GREM1: variants seen among roughly 807,000 people sequenced by gnomAD.
GREM1 encodes the protein gremlin-1.
A neutral mutation model predicts 13.1 loss-of-function variants in GREM1; 6 were observed. That is an observed-to-expected ratio of 0.46 (90% CI 0.25 to 0.91). The LOEUF (loss-of-function observed/expected upper bound fraction) is 0.91, where lower values mean the gene tolerates loss of function less well. Ranked by LOEUF, GREM1 falls within the 40% of genes least tolerant of loss-of-function variation. The probability of loss-of-function intolerance (pLI) is 0.18; values close to 1 mark genes in which losing one functional copy is unlikely to be tolerated. For synonymous variants in GREM1, 98 were observed against 93.7 expected, an observed-to-expected ratio of 1.05 and a Z score of -0.27; for missense variants, 185 against 233.9, an observed-to-expected ratio of 0.79 and a Z score of 1.36.
rs1027194431 is a variant in GREM1 at position 32,744,375 on chromosome 15, C to T, written c.*13130C>T. Reference sequence around the variant, plus strand: ...GATCACGTGGTCAGGAGATCGAGACCATCCTGGCTAACACGGTGAAACCTT... The same window carrying T: ...GATCACGTGGTCAGGAGATCGAGACTATCCTGGCTAACACGGTGAAACCTT... On this transcript the variant is annotated 3_prime_UTR_variant, in exon 2 of 2. Transcript: ENST00000651154. The T allele has an allele frequency of 6.6e-6, 1 of 152,044 alleles. No individual in the cohort carries two copies. Among genetic ancestry groups the T allele is most frequent in the South Asian group, 2.1e-4 (1 of 4,808 alleles). The allele number at this position is 152,044 out of a possible 1,614,324, so 9.4% of individuals were successfully genotyped here.
Position 32,737,942 on chromosome 15 carries a change from A to AAAAAAG in GREM1, c.*6700_*6701insAAGAAA, listed in dbSNP as rs1555444722. The AAAAAAG allele has an allele frequency of 1.7e-5, 2 of 114,372 alleles. No individual in the cohort carries two copies. Among genetic ancestry groups the AAAAAAG allele is most frequent in the African/African-American group, 5.8e-5 (2 of 34,480 alleles). The allele number at this position is 114,372 out of a possible 1,614,324, so 7.1% of individuals were successfully genotyped here. ...AAACTCTGTCTCAAAAAAAAAAAAA[A>AAAAAAG]AAAGAAAAGAAAAACCCACAGCTAA... On this transcript the variant is annotated 3_prime_UTR_variant, in exon 2 of 2. Transcript: ENST00000651154.
At chr15:32,728,800 C>G (rs766288234) in intron 1 of GREM1, among the ~76,000 whole-genome samples, 1 of 152,092 alleles carries the variant, frequency 6.6e-6, no homozygotes, top group Non-Finnish European at 1.5e-5. Flanking sequence ...GATTCAGGTC[C>G]GATTGTTGTG....
rs1468071199 is a variant in GREM1 at position 32,739,614 on chromosome 15, C to T, written c.*8369C>T. On this transcript the variant is annotated 3_prime_UTR_variant, in exon 2 of 2. Coordinates refer to ENST00000651154, the MANE Select transcript of GREM1 (RefSeq NM_013372.7). ...GATGTTGTATTAGCAAATGCTGGAC[C>T]CTTCTTCAATCCACAAACACATCTA... is the stretch of plus-strand genomic sequence containing the variant. The T allele has an allele frequency of 6.6e-6, 1 of 152,100 alleles. No individual in the cohort carries two copies. Among genetic ancestry groups the T allele is most frequent in the Non-Finnish European group, 1.5e-5 (1 of 68,034 alleles). 9.4% of individuals were successfully genotyped at this position (152,100 alleles called of 1,614,324 possible). A position where few individuals can be genotyped will look rare whatever the true frequency, so the allele number is the denominator to read the frequency against.
intron 1 of GREM1, chr15:32,718,931 A>C: frequency 5.6e-6 from 1 of 180,148 alleles, no homozygotes; most frequent in Non-Finnish European, 1.2e-5. Context: ...GCCCGGGCTG[A>C]ATGGTAGACG....
At chr15:32,718,312 C>T (rs142114172) in intron 1 of GREM1, 151 bp downstream of exon 1, 14,127 of 589,768 alleles carry the variant, frequency 0.024, 235 homozygotes, top group Non-Finnish European at 0.032. Context: ...GAAGAACCAT[C>T]GCGGGGTCCT....
At chr15:32,721,635 T>A (rs2055409919) in intron 1 of GREM1, among the ~76,000 whole-genome samples, 1 of 151,990 alleles carries the variant, frequency 6.6e-6, no homozygotes, top group Non-Finnish European at 1.5e-5. Flanking sequence ...GCGCCTATAA[T>A]CTCAGCTACT....
In GREM1 at chr15:32,730,962, G is replaced by A. The variant is rs1216397987; in HGVS notation, c.272G>A (p.Arg91Gln). ...LHVTERKYLK[R>Q]DWCKTQPLKQ... ...GTGACGGAGCGCAAATACCTGAAGC[G>A]AGACTGGTGCAAAACCCAGCCGCTT... Residue 91 changes from arginine to glutamine, a missense_variant, in exon 2 of 2, where the codon CGA (arginine) becomes CAA (glutamine). Coordinates refer to ENST00000651154, the MANE Select transcript of GREM1 (RefSeq NM_013372.7). 5 of 1,614,160 alleles carry A rather than the reference G, an allele frequency of 3.1e-6. No homozygotes were observed. The highest frequency in any genetic ancestry group is 2.2e-5 in the East Asian group (1 of 44,878).
At chr15:32,729,797 A>G (rs1210084647) in intron 1 of GREM1, among the ~76,000 whole-genome samples, 1 of 152,206 alleles carries the variant, frequency 6.6e-6, no homozygotes, top group Admixed American at 6.5e-5. Flanking sequence ...ACACAGACAC[A>G]TGTGAATGAC....
chr15:32,719,630 G>T (rs773261689), intron 1 of GREM1, among the ~76,000 whole-genome samples: 4 of 152,108 alleles, frequency 2.6e-5, no homozygotes, highest in African/African-American at 9.7e-5. Context: ...CGGTGTGCGC[G>T]TCTGTTTATG....
chr15:32,734,326 C>CT lies in GREM1; in HGVS notation c.*3085dup, dbSNP rs1257861019. 2 of 245,980 alleles carry CT rather than the reference C, an allele frequency of 8.1e-6. No individual in the cohort carries two copies. The highest frequency in any genetic ancestry group is 1.7e-5 in the Non-Finnish European group (2 of 116,918). The allele number at this position is 245,980 out of a possible 1,614,324, so 15.2% of individuals were successfully genotyped here. A position where few individuals can be genotyped will look rare whatever the true frequency, so the allele number is the denominator to read the frequency against. On this transcript the variant is annotated 3_prime_UTR_variant, in exon 2 of 2. Transcript: ENST00000651154. ...TGATGACTAGTTCACACATAAAGTC[C>CT]TTTTAAGGAGAAAATCTAAAATGAA...
In GREM1 at chr15:32,733,013, G is replaced by A. The variant is rs115255450; in HGVS notation, c.*1768G>A. ...CAACTCGAGAAGCTGTTTTTATTTC[G>A]TTTTTGTTTTGATCCAGTGCTCTCC... On this transcript the variant is annotated 3_prime_UTR_variant, in exon 2 of 2. Transcript: ENST00000651154. 3.1e-3 allele frequency: 699 copies of A among 226,448 alleles called. 3 individuals are homozygous for A. Among genetic ancestry groups the A allele is most frequent in the African/African-American group, 0.015 (663 of 44,286 alleles). The allele number at this position is 226,448 out of a possible 1,614,324, so 14.0% of individuals were successfully genotyped here. A position where few individuals can be genotyped will look rare whatever the true frequency, so the allele number is the denominator to read the frequency against.
chr15:32,723,071 G>A (rs1002090307), intron 1 of GREM1, among the ~76,000 whole-genome samples: 2 of 152,148 alleles, frequency 1.3e-5, no homozygotes, highest in African/African-American at 2.4e-5. Flanking sequence ...TAATGACGGC[G>A]CATGAATGAT....
Position 32,731,517 on chromosome 15 carries a change from A to C in GREM1, c.*272A>C. On this transcript the variant is annotated 3_prime_UTR_variant, in exon 2 of 2. Transcript: ENST00000651154. ...TTTAATGGGGATGTACCAGAAACCCACCTCACCCCGGCTCACATCTAAAGG... is the reference window on the plus strand; with the variant it reads ...TTTAATGGGGATGTACCAGAAACCCCCCTCACCCCGGCTCACATCTAAAGG... The C allele has an allele frequency of 2.2e-6, 1 of 449,188 alleles. No homozygotes were observed. The highest frequency in any genetic ancestry group is 4.1e-6 in the Non-Finnish European group (1 of 244,886). 27.8% of individuals were successfully genotyped at this position (449,188 alleles called of 1,614,324 possible).
chr15:32,738,125 A>AAAAAAAAAAAAAAACAAACAAAC lies in GREM1; in HGVS notation c.*6888_*6889insAAAAAACAAACAAACAAAAAAAA. On this transcript the variant is annotated 3_prime_UTR_variant, in exon 2 of 2. Transcript: ENST00000651154. ...AAAAAAAAAAAAAAAAAAAAAAAAA[A>AAAAAAAAAAAAAAACAAACAAAC]AAAAAAAAGAAAAGAAAAAAGTCAT... The AAAAAAAAAAAAAAACAAACAAAC allele has an allele frequency of 3.6e-5, 1 of 27,966 alleles. No individual in the cohort carries two copies. The highest frequency in any genetic ancestry group is 4.4e-4 in the Admixed American group (1 of 2,284). The allele number at this position is 27,966 out of a possible 1,614,324, so 1.7% of individuals were successfully genotyped here. A position where few individuals can be genotyped will look rare whatever the true frequency, so the allele number is the denominator to read the frequency against.
rs202110695 is a variant in GREM1 at position 32,733,120 on chromosome 15, T to C, written c.*1875T>C. ...ATGTTGGGTCTGATTTTCAAACTTT[T>C]AAACTCACTACTGATGATTCTCACG... On this transcript the variant is annotated 3_prime_UTR_variant, in exon 2 of 2. Coordinates refer to ENST00000651154, the MANE Select transcript of GREM1 (RefSeq NM_013372.7). 4.3e-6 allele frequency: 1 copy of C among 231,772 alleles called. No homozygotes were observed. The highest frequency in any genetic ancestry group is 9.3e-6 in the Non-Finnish European group (1 of 107,988). 14.4% of individuals were successfully genotyped at this position (231,772 alleles called of 1,614,324 possible). A position where few individuals can be genotyped will look rare whatever the true frequency, so the allele number is the denominator to read the frequency against.
intron 1 of GREM1, among the ~76,000 whole-genome samples, chr15:32,729,586 C>A (rs888493768): frequency 6.6e-6 from 1 of 151,928 alleles, no homozygotes; most frequent in Non-Finnish European, 1.5e-5. Context: ...TATTTTTTGT[C>A]GGTTTTCCCT....
At chr15:32,725,516 C>G (rs2055486715) in intron 1 of GREM1, among the ~76,000 whole-genome samples, 1 of 152,020 alleles carries the variant, frequency 6.6e-6, no homozygotes, top group Non-Finnish European at 1.5e-5. Context: ...GTTTGAGTTC[C>G]TGGTAGATTC....
In GREM1 at chr15:32,731,227, A is replaced by G; in HGVS notation, c.537A>G (p.Ile179Met). The G allele has an allele frequency of 6.2e-7, 1 of 1,613,702 alleles. No homozygotes were observed. The highest frequency in any genetic ancestry group is 8.5e-7 in the Non-Finnish European group (1 of 1,179,750). Residue 179 changes from isoleucine to methionine, a missense_variant, in exon 2 of 2, where the codon ATA becomes ATG. Transcript: ENST00000651154. The part of the protein sequence containing the change: ...RVTRVKQCRC[I>M]SIDLD ...CACGTGTGAAGCAGTGTCGTTGCAT[A>G]TCCATCGATTTGGATTAAGCCAAAT...
At chr15:32,727,271 C>T (rs2055527578) in intron 1 of GREM1, among the ~76,000 whole-genome samples, 1 of 152,152 alleles carries the variant, frequency 6.6e-6, no homozygotes, top group African/African-American at 2.4e-5. Context: ...AAAATACTGG[C>T]AGCACATCAA....
Sources: gnomAD v4.1 joint callset for allele counts (sites outside exome capture counted in the v4.1 genomes callset) on GRCh38, gnomAD v4.1.1 for gene constraint, MANE v1.5 for transcripts, NCBI Gene and HGNC (gene_info 2026-07-23, HGNC 2026-07-21) for gene names.